The following RGL1 variants were observed in gnomAD, a reference collection of about 807,000 sequenced individuals.
RGL1 encodes the protein ral guanine nucleotide dissociation stimulator like 1, also known as ral guanine nucleotide dissociation stimulator-like 1.
In RGL1, 24 loss-of-function variants were observed where a neutral mutation model predicts 95.2. The ratio of observed to expected loss-of-function variants is 0.25; its 90% confidence interval spans 0.18 to 0.35. RGL1 has a LOEUF of 0.35. Ranked by LOEUF, RGL1 falls within the 10% of genes least tolerant of loss-of-function variation. The probability of loss-of-function intolerance (pLI) is 1.00; values close to 1 mark genes in which losing one functional copy is unlikely to be tolerated. For synonymous variants in RGL1, 329 were observed against 344.9 expected (o/e 0.95, Z 0.51); for missense variants, 715 against 936.3 (o/e 0.76, Z 3.08).
chr1:183,711,541 A>G (rs1655268552), intron 1 of RGL1, among the ~76,000 whole-genome samples: 1 of 152,064 alleles, frequency 6.6e-6, no homozygotes, highest in Admixed American at 6.5e-5. Context: ...GGTCTTTCCA[A>G]CCGCCTCTTA....
intron 2 of RGL1, among the ~76,000 whole-genome samples, chr1:183,839,748 C>A (rs1663910241): frequency 6.6e-6 from 1 of 152,186 alleles, no homozygotes; most frequent in Non-Finnish European, 1.5e-5. Flanking sequence ...CTCCTGCTGG[C>A]TCTCCAGCCA....
intron 1 of RGL1, among the ~76,000 whole-genome samples, chr1:183,670,002 A>C (rs915973053): frequency 7.2e-5 from 11 of 152,288 alleles, no homozygotes; most frequent in African/African-American, 2.6e-4. Context: ...TGGGAGCTAC[A>C]ATTCAAGGTG....
chr1:183,715,257 GT>G (rs930043819), intron 1 of RGL1, among the ~76,000 whole-genome samples: 4 of 151,674 alleles, frequency 2.6e-5, no homozygotes, highest in Middle Eastern at 3.4e-3. Flanking sequence ...ATTTGATCTT[GT>G]TTTTTTTGTT....
chr1:183,891,878 G>A lies in RGL1; in HGVS notation c.1056-199G>A, dbSNP rs981661226. Among the ~76,000 whole-genome samples the A allele has an allele frequency of 3.3e-5, 5 of 151,252 alleles. No homozygotes were observed. The East Asian group carries it at 5.8e-4, about 18-fold the overall frequency. ...GAAATATACCTCTCTCCACAGGGGTGGCCAAGTCCACCTTAAAAGAAATAA... is the reference window on the plus strand; with the variant it reads ...GAAATATACCTCTCTCCACAGGGGTAGCCAAGTCCACCTTAAAAGAAATAA... On this transcript the variant is annotated intron_variant, in intron 8 of 17. Transcript: ENST00000360851.
chr1:183,845,582 C>G (rs1314541810), intron 2 of RGL1, among the ~76,000 whole-genome samples: 1 of 152,184 alleles, frequency 6.6e-6, no homozygotes, highest in Admixed American at 6.5e-5. Context: ...TTCCAGAAGG[C>G]AGGGTCATAC....
rs377359607 is a variant in RGL1 at position 183,756,457 on chromosome 1, G to A, written c.132+14168G>A. On this transcript the variant is annotated intron_variant, in intron 2 of 18. Transcript: ENST00000304685. ...GGAAACAAATAATGAAAGTCTTCAC[G>A]TCTCTTACTTAGAAACTTAGGAAGT... 1.7e-4 allele frequency among the ~76,000 whole-genome samples: 26 copies of A among 152,288 alleles called. No homozygotes were observed. The East Asian group carries it at 3.7e-3, about 21-fold the overall frequency.
At chr1:183,741,994 A>C (rs1047799400) in intron 1 of RGL1, 5 of 614,102 alleles carry the variant, frequency 8.1e-6, no homozygotes, top group African/African-American at 1.8e-5. Flanking sequence ...GTGGCCATAA[A>C]AGTTGATGCC....
At position 183,926,212 on chromosome 1, in the gene RGL1, C is replaced by T. The variant is rs777089794; in HGVS notation, c.2227C>T (p.Arg743Cys). 5.0e-6 allele frequency: 8 copies of T among 1,613,822 alleles called. No individual in the cohort carries two copies. Among genetic ancestry groups the T allele is most frequent in the Middle Eastern group, 1.6e-4 (1 of 6,082 alleles). The change falls in exon 18 of 18, where the codon CGT becomes TGT. Residue 743 changes from arginine to cysteine, a missense_variant. Physicochemically the swap from Arg to Cys is radical, Grantham distance 180 (BLOSUM62 -3). This residue lies in a region of RGL1 where 330 missense variants were observed against 429.6 expected (regional missense o/e 0.77). Transcript: ENST00000360851. ...KNSMEEQVKL[R>C]SRTSLTLPRT... ...CTCCATGGAAGAACAAGTGAAACTGCGTAGCCGGACCAGCTTGACGTTGCC... is the reference window on the plus strand; with the variant it reads ...CTCCATGGAAGAACAAGTGAAACTGTGTAGCCGGACCAGCTTGACGTTGCC...
At chr1:183,671,017 T>C (rs1160961835) in intron 1 of RGL1, among the ~76,000 whole-genome samples, 1 of 152,118 alleles carries the variant, frequency 6.6e-6, no homozygotes, top group African/African-American at 2.4e-5. Context: ...AAATTTATGA[T>C]TATGGCAGAA....
At chr1:183,902,026 C>T (rs903586921) in intron 11 of RGL1, among the ~76,000 whole-genome samples, 4 of 152,206 alleles carry the variant, frequency 2.6e-5, no homozygotes, top group Non-Finnish European at 5.9e-5. Flanking sequence ...TCTTCACATC[C>T]TCTTTCTCAG....
rs71130633 is a variant in RGL1 at position 183,746,622 on chromosome 1, ATTTT to A, written c.132+4346_132+4349del. ...GCTGATATGAACATAGTATACATGTATTTTTTTTTTTTTTTTAGTTTTCTTATAT... is the reference window on the plus strand; with the variant it reads ...GCTGATATGAACATAGTATACATGTATTTTTTTTTTTTAGTTTTCTTATAT... On this transcript the variant is annotated intron_variant, in intron 2 of 18. Coordinates refer to the RGL1 transcript ENST00000304685. 4.8e-4 allele frequency among the ~76,000 whole-genome samples: 69 copies of A among 144,108 alleles called. 1 individual carries two copies. The highest frequency in any genetic ancestry group is 6.6e-4 in the South Asian group (3 of 4,576). The allele number at this position is 144,108 out of a possible 152,430, so 94.5% of individuals were successfully genotyped here. A position where few individuals can be genotyped will look rare whatever the true frequency, so the allele number is the denominator to read the frequency against.
At chr1:183,771,333 T>C (rs1031063896) in intron 2 of RGL1, among the ~76,000 whole-genome samples, 4 of 151,748 alleles carry the variant, frequency 2.6e-5, no homozygotes, top group Middle Eastern at 6.8e-3. Context: ...AAATGACCAG[T>C]TTTTTCAGGG....
At chr1:183,919,658 T>A (rs1385219259) in intron 16 of RGL1, among the ~76,000 whole-genome samples, 4 of 152,178 alleles carry the variant, frequency 2.6e-5, no homozygotes, top group Non-Finnish European at 5.9e-5. Flanking sequence ...ACCTCCTCAG[T>A]GACCATGGAA....
chr1:183,645,466 T>A (rs996473454), intron 1 of RGL1, among the ~76,000 whole-genome samples: 4 of 152,248 alleles, frequency 2.6e-5, no homozygotes, highest in Non-Finnish European at 5.9e-5. Flanking sequence ...ATCATCATAT[T>A]ACTAGCTACC....
chr1:183,838,544 T>C (rs1323208982), intron 2 of RGL1, among the ~76,000 whole-genome samples: 4 of 152,240 alleles, frequency 2.6e-5, no homozygotes, highest in Non-Finnish European at 5.9e-5. Flanking sequence ...GGGGCTCGTG[T>C]AGTTTTTTCA....
At chr1:183,923,473 A>C (rs1333173312) in intron 17 of RGL1, among the ~76,000 whole-genome samples, 1 of 152,180 alleles carries the variant, frequency 6.6e-6, no homozygotes, top group African/African-American at 2.4e-5. Flanking sequence ...AGCCTAAAAG[A>C]TGGTCTCAAG....
chr1:183,869,407 A>G (rs1666032133), intron 4 of RGL1, among the ~76,000 whole-genome samples: 1 of 152,208 alleles, frequency 6.6e-6, no homozygotes, highest in Admixed American at 6.5e-5. Flanking sequence ...TCCTCTGGGG[A>G]CAATGGTCCT....
At chr1:183,822,423 G>A (rs1163360734) in intron 2 of RGL1, among the ~76,000 whole-genome samples, 1 of 151,256 alleles carries the variant, frequency 6.6e-6, no homozygotes, top group Non-Finnish European at 1.5e-5. Flanking sequence ...ACAATATTTA[G>A]GAGTTATTGA....
In RGL1 at chr1:183,897,394, T is replaced by C. The variant is rs1236322125; in HGVS notation, c.1141-414T>C. 2.0e-5 allele frequency among the ~76,000 whole-genome samples: 3 copies of C among 151,952 alleles called. No individual in the cohort carries two copies. The East Asian group carries it at 5.8e-4, about 29-fold the overall frequency. On this transcript the variant is annotated intron_variant, in intron 9 of 17. Coordinates refer to ENST00000360851, the MANE Select transcript of RGL1 (RefSeq NM_001297671.3). ...ACTAAAAACAAAAAATAAAATAAAA[T>C]ATAAAAATTAGCCAGGTGGTGGCGC...
Sources: allele counts gnomAD v4.1 joint callset (sites outside exome capture counted in the v4.1 genomes callset), GRCh38; gene constraint gnomAD v4.1.1; regional missense constraint gnomAD v4.1.1; transcripts MANE v1.5; gene names NCBI Gene and HGNC (gene_info 2026-07-23, HGNC 2026-07-21).